CBFA2T3: variants seen among roughly 807,000 people sequenced by gnomAD.
The protein encoded by CBFA2T3 is transcriptional corepressor CBFA2T3.
A neutral mutation model predicts 58.6 loss-of-function variants in CBFA2T3; 31 were observed. The ratio of observed to expected loss-of-function variants is 0.53; its 90% CI spans 0.40 to 0.71. The LOEUF (loss-of-function observed/expected upper bound fraction) is 0.71. Among genes scored for constraint, CBFA2T3 ranks in the 30% least tolerant of loss-of-function variants. The probability of loss-of-function intolerance (pLI) is 0.00; values close to 1 mark genes in which losing one functional copy is unlikely to be tolerated. For synonymous variants in CBFA2T3, 531 were observed against 421.9 expected (o/e 1.26, Z -3.17); for missense variants, 1,076 against 963.1 (o/e 1.12, Z -1.55).
At chr16:88,959,609 G>C (rs1972311259) in intron 1 of CBFA2T3, among the ~76,000 whole-genome samples, 1 of 152,198 alleles carries the variant, frequency 6.6e-6, no homozygotes, top group Admixed American at 6.5e-5. Context: ...AGGGAACCCA[G>C]GTGCAGGAGA....
chr16:88,921,888 T>C (rs1970933561), intron 1 of CBFA2T3, among the ~76,000 whole-genome samples: 2 of 152,308 alleles, frequency 1.3e-5, no homozygotes, highest in South Asian at 4.1e-4. Flanking sequence ...AATGTCTACC[T>C]GGGGAATGGG....
At chr16:88,934,106 C>T (rs539504130) in intron 1 of CBFA2T3, among the ~76,000 whole-genome samples, 19 of 152,376 alleles carry the variant, frequency 1.2e-4, no homozygotes, top group Admixed American at 3.3e-4. Flanking sequence ...AAATGATCCA[C>T]GCCCCTTCCC....
In CBFA2T3 at chr16:88,944,880, A is replaced by G. The variant is rs551266017; in HGVS notation, c.151+31777T>C. Among the ~76,000 whole-genome samples the G allele has an allele frequency of 2.2e-4, 33 of 152,336 alleles. No homozygotes were observed. In the South Asian group the frequency reaches 6.4e-3, roughly 30 times the overall value. On this transcript the variant is annotated intron_variant, in intron 1 of 11. Transcript: ENST00000268679. ...GGTCTTGCCACCAGCCTTGTTTGCC[A>G]GAGGAGAACACCGGGACCCAGAAAG... is the stretch of plus-strand genomic sequence containing the variant.
chr16:88,892,188 A>C, intron 4 of CBFA2T3, 56 bp downstream of exon 4: 1 of 1,569,854 alleles, frequency 6.4e-7, no homozygotes, highest in Non-Finnish European at 8.6e-7. Context: ...CTGCAACCTC[A>C]TTAAACGGAG....
Position 88,885,701 on chromosome 16 carries a change from G to T in CBFA2T3, c.893+260C>A. ...TCGGAGTCCATGCCCGGCACACAGGGGAGAGCCGTCCTCCCACCAGCCTCC... is the reference window on the plus strand; with the variant it reads ...TCGGAGTCCATGCCCGGCACACAGGTGAGAGCCGTCCTCCCACCAGCCTCC... On this transcript the variant is annotated intron_variant, in intron 6 of 11. Transcript: ENST00000268679. This position sits in a 1 kb window ranked among gnomAD's most constrained non-coding sequence, Gnocchi z 5.3. 2 of 517,854 alleles carry T rather than the reference G, an allele frequency of 3.9e-6. No homozygotes were observed. Among genetic ancestry groups the T allele is most frequent in the Non-Finnish European group, 6.9e-6 (2 of 290,514 alleles). The allele number at this position is 517,854 out of a possible 1,614,324, so 32.1% of individuals were successfully genotyped here.
chr16:88,916,136 ACATGTGGGTGTGTGTG>A (rs1315884844), intron 1 of CBFA2T3, among the ~76,000 whole-genome samples: 1 of 150,082 alleles, frequency 6.7e-6, no homozygotes, highest in Non-Finnish European at 1.5e-5. Context: ...ACTCACGTGT[ACATGTGGGTGTGTGTG>A]CATGTGTATT....
chr16:88,975,410 G>A (rs559459226), intron 1 of CBFA2T3, among the ~76,000 whole-genome samples: 16 of 152,316 alleles, frequency 1.1e-4, no homozygotes, highest in South Asian at 2.1e-4. Flanking sequence ...CTCAGAGCCC[G>A]TCTCTCTCCG....
At chr16:88,913,759 C>T (rs192449195) in intron 1 of CBFA2T3, among the ~76,000 whole-genome samples, 5 of 152,272 alleles carry the variant, frequency 3.3e-5, no homozygotes, top group African/African-American at 7.2e-5. Flanking sequence ...GAATGACAAA[C>T]GGAATAAATA....
chr16:88,931,493 T>C (rs561115732), intron 1 of CBFA2T3, among the ~76,000 whole-genome samples: 1 of 147,638 alleles, frequency 6.8e-6, no homozygotes, highest in African/African-American at 2.5e-5. Context: ...AGCCCCTTCA[T>C]GTGCCAAGGA....
In CBFA2T3 at chr16:88,881,339, C is replaced by A; in HGVS notation, c.1354G>T (p.Ala452Ser). Reference protein sequence around the residue: ...EDTKKGPAPAAARPRSSSAGP... With the variant: ...EDTKKGPAPASARPRSSSAGP... ...GCGGAGCTGCTGCGGGGCCGGGCCGCGGCGGGAGCGGGGCCCTTCTTTGTG... is the reference window on the plus strand; with the variant it reads ...GCGGAGCTGCTGCGGGGCCGGGCCGAGGCGGGAGCGGGGCCCTTCTTTGTG... Residue 452 changes from alanine (A) to serine (S), a missense_variant, in exon 9 of 12, where the codon GCG (alanine) becomes TCG (serine). Ala to Ser is a moderately conservative substitution (Grantham distance 99, BLOSUM62 1). Transcript: ENST00000268679. 1.3e-6 allele frequency: 2 copies of A among 1,581,364 alleles called. No individual in the cohort carries two copies. The highest frequency in any genetic ancestry group is 1.7e-6 in the Non-Finnish European group (2 of 1,165,194).
intron 1 of CBFA2T3, among the ~76,000 whole-genome samples, chr16:88,964,053 C>G (rs1353433876): frequency 6.6e-6 from 1 of 152,234 alleles, no homozygotes; most frequent in Non-Finnish European, 1.5e-5. Context: ...TGGCACAGCT[C>G]TATGGGGGTC....
chr16:88,923,843 C>T (rs754327619), intron 1 of CBFA2T3, among the ~76,000 whole-genome samples: 8 of 152,208 alleles, frequency 5.3e-5, no homozygotes, highest in South Asian at 2.1e-4. Flanking sequence ...CCCCGAGGAC[C>T]GTCCTCTCTC....
intron 9 of CBFA2T3, 44 bp from the exon 10 acceptor site, chr16:88,880,832 CCCCTCCCACGCTGGGG>C (rs1257601592): frequency 6.5e-7 from 1 of 1,529,348 alleles, no homozygotes; most frequent in Admixed American, 1.9e-5. Flanking sequence ...CACGCGGCTG[CCCCTCCCACGCTGGGG>C]CCCTCCCCAC....
rs1050627072 is a variant in CBFA2T3, at chr16:88,885,817, C to T, written c.893+144G>A. The stretch of plus-strand genomic sequence containing the variant: ...GCCACCAAGCCTGCTGGCCCTAGTA[C>T]ACCTCGCCACGCTCCCTCAGCCCGA... On this transcript the variant is annotated intron_variant, in intron 6 of 11. Transcript: ENST00000268679. The surrounding 1 kb of genome is among the most constrained non-coding windows in gnomAD (Gnocchi z 5.3). 1 of 700,644 alleles carries T rather than the reference C, an allele frequency of 1.4e-6. No individual in the cohort carries two copies. Among genetic ancestry groups the T allele is most frequent in the Non-Finnish European group, 2.4e-6 (1 of 421,824 alleles). 43.4% of individuals were successfully genotyped at this position (700,644 alleles called of 1,614,324 possible). A position where few individuals can be genotyped will look rare whatever the true frequency, so the allele number is the denominator to read the frequency against.
intron 3 of CBFA2T3, among the ~76,000 whole-genome samples, chr16:88,897,767 C>T (rs1191458737): frequency 6.6e-6 from 1 of 152,224 alleles, no homozygotes; most frequent in Non-Finnish European, 1.5e-5. Context: ...CTCGCCCCTC[C>T]CCTCGGCACT....
At chr16:88,899,756 G>T (rs1970028226) in intron 2 of CBFA2T3, among the ~76,000 whole-genome samples, 1 of 152,234 alleles carries the variant, frequency 6.6e-6, no homozygotes, top group Non-Finnish European at 1.5e-5. Flanking sequence ...CTGACAGTGG[G>T]GCCTGAGGTT....
At position 88,876,934 on chromosome 16, in the gene CBFA2T3, G is replaced by T. The variant is rs1428351993; in HGVS notation, c.*42C>A. 17 of 1,364,122 alleles carry T rather than the reference G, an allele frequency of 1.2e-5. No individual in the cohort carries two copies. In the East Asian group the frequency reaches 3.7e-4, roughly 30 times the overall value. The allele number at this position is 1,364,122 out of a possible 1,614,324, so 84.5% of individuals were successfully genotyped here. On this transcript the variant is annotated 3_prime_UTR_variant, in exon 12 of 12. Transcript: ENST00000268679. ...TCCGGTGGGCCTGGAGCTGGGTGGG[G>T]TTGGCACGGTGCTGTGTCCGGCAGG...
chr16:88,931,439 C>T (rs1971296681), intron 1 of CBFA2T3, among the ~76,000 whole-genome samples: 1 of 152,110 alleles, frequency 6.6e-6, no homozygotes, highest in South Asian at 2.1e-4. Context: ...CGGTCTGTGG[C>T]AAGTGACAAG....
intron 1 of CBFA2T3, among the ~76,000 whole-genome samples, chr16:88,907,984 G>A (rs1970395513): frequency 1.3e-5 from 2 of 152,290 alleles, no homozygotes; most frequent in South Asian, 4.1e-4. Context: ...GGGAGAGAGT[G>A]CCAGTTCCTC....
Sources: gnomAD v4.1 joint callset for allele counts (sites outside exome capture counted in the v4.1 genomes callset) on GRCh38, gnomAD v4.1.1 for gene constraint, Gnocchi (gnomAD v3.1) non-coding constraint, MANE v1.5 for transcripts, NCBI Gene and HGNC (gene_info 2026-07-23, HGNC 2026-07-21) for gene names.